The following TRPM3 variants were observed in gnomAD, a reference collection of about 807,000 sequenced individuals.
TRPM3 encodes the protein long transient receptor potential channel 3.
Under a neutral mutation model 181.2 loss-of-function variants are expected in TRPM3, and 77 were observed. The observed-to-expected ratio is 0.42, with a 90% CI of 0.35 to 0.51. The LOEUF (loss-of-function observed/expected upper bound fraction) is 0.51, where lower values mean the gene tolerates loss of function less well. Ranked by LOEUF, TRPM3 falls within the 20% of genes least tolerant of loss-of-function variation. The pLI is 0.01. For synonymous variants in TRPM3, 745 were observed against 796.4 expected, an observed-to-expected ratio of 0.94 and a Z score of 1.09; for missense variants, 1,759 against 2,196.7, an observed-to-expected ratio of 0.80 and a Z score of 3.98.
At chr9:71,439,504 C>A (rs746438921) in intron 1 of TRPM3, among the ~76,000 whole-genome samples, 1 of 152,108 alleles carries the variant, frequency 6.6e-6, no homozygotes, top group African/African-American at 2.4e-5. Flanking sequence ...GCAAAACCAG[C>A]GAATGACCTG....
At chr9:71,380,842 C>T (rs1382012009) in intron 1 of TRPM3, among the ~76,000 whole-genome samples, 2 of 152,050 alleles carry the variant, frequency 1.3e-5, no homozygotes, top group Non-Finnish European at 2.9e-5. Flanking sequence ...AAGCTCTCAG[C>T]ATCTTGACTC....
chr9:71,088,123 A>G (rs536236380), intron 1 of TRPM3, among the ~76,000 whole-genome samples: 3 of 152,216 alleles, frequency 2.0e-5, no homozygotes, highest in African/African-American at 7.2e-5. Flanking sequence ...CAGCTACAGT[A>G]AAAAACATGT....
At position 71,018,211 on chromosome 9, in the gene TRPM3, A is replaced by G. The variant is rs981727944; in HGVS notation, c.177+102967T>C. On this transcript the variant is annotated intron_variant, in intron 1 of 25. Transcript: ENST00000677713. ...AGAGAAAATTTATAGCTTTGGTTGA[A>G]TATATTAGAAAAGCAAAAAAAATGC... Among the ~76,000 whole-genome samples, 3 of 144,730 alleles carry G rather than the reference A, an allele frequency of 2.1e-5. No homozygotes were observed. In the Admixed American group the frequency reaches 2.1e-4, roughly 10 times the overall value. The allele number at this position is 144,730 out of a possible 152,430, so 94.9% of individuals were successfully genotyped here. A position where few individuals can be genotyped will look rare whatever the true frequency, so the allele number is the denominator to read the frequency against.
chr9:70,604,970 T>TTTTTTTTTTG (rs1248446809), intron 19 of TRPM3, among the ~76,000 whole-genome samples: 2 of 149,328 alleles, frequency 1.3e-5, no homozygotes, highest in African/African-American at 5.0e-5. Flanking sequence ...TCTTCTTTTT[T>TTTTTTTTTTG]TTTGGAGACT....
At position 71,059,689 on chromosome 9, in the gene TRPM3, C is replaced by G. The variant is rs371726992; in HGVS notation, c.177+61489G>C. On this transcript the variant is annotated intron_variant, in intron 1 of 25. Transcript: ENST00000677713. The stretch of plus-strand genomic sequence containing the variant: ...AAGGCCTTCAAAGCAAAAACTGTTT[C>G]CCTGGAAGAAGAAATTCTGCCCCAG... 2.8e-4 allele frequency among the ~76,000 whole-genome samples: 42 copies of G among 152,150 alleles called. No homozygotes were observed. The South Asian group carries it at 8.7e-3, about 32-fold the overall frequency.
intron 7 of TRPM3, among the ~76,000 whole-genome samples, chr9:70,783,462 G>A (rs947083104): frequency 1.5e-4 from 23 of 152,180 alleles, no homozygotes; most frequent in African/African-American, 5.6e-4. Flanking sequence ...TTGGAGGGGA[G>A]TGCTGTGAAG....
intron 1 of TRPM3, among the ~76,000 whole-genome samples, chr9:71,151,676 A>C (rs1485400780): frequency 6.6e-6 from 1 of 152,116 alleles, no homozygotes; most frequent in African/African-American, 2.4e-5. Context: ...ATCATTGTTT[A>C]TATCAGTAAA....
chr9:71,363,598 A>G (rs751247058), intron 1 of TRPM3, among the ~76,000 whole-genome samples: 13 of 152,234 alleles, frequency 8.5e-5, no homozygotes, highest in African/African-American at 1.2e-4. Context: ...TGCCAGAACT[A>G]GAAGCTCATA....
intron 1 of TRPM3, among the ~76,000 whole-genome samples, chr9:70,969,903 A>G (rs940120603): frequency 1.3e-5 from 2 of 151,888 alleles, no homozygotes; most frequent in Non-Finnish European, 2.9e-5. Context: ...CCCAGGTCAT[A>G]CAGTCAGTAT....
At chr9:71,360,908 G>C (rs1565497674) in intron 1 of TRPM3, among the ~76,000 whole-genome samples, 1 of 152,202 alleles carries the variant, frequency 6.6e-6, no homozygotes, top group Non-Finnish European at 1.5e-5. Flanking sequence ...TGAATTTGTA[G>C]AAGTGAGCTG....
chr9:70,817,453 C>A (rs529094052), intron 6 of TRPM3, among the ~76,000 whole-genome samples: 4 of 152,284 alleles, frequency 2.6e-5, no homozygotes, highest in Admixed American at 2.6e-4. Context: ...TTCAGAGTAA[C>A]ATATGAATAG....
intron 3 of TRPM3, among the ~76,000 whole-genome samples, chr9:70,854,753 TCA>T (rs2095341466): frequency 6.6e-6 from 1 of 152,174 alleles, no homozygotes; most frequent in Admixed American, 6.5e-5. Flanking sequence ...GTCATTAGCG[TCA>T]CTGCCTGGCA....
At position 71,398,148 on chromosome 9, in the gene TRPM3, C is replaced by T. The variant is rs547785631; in HGVS notation, c.183+48505G>A. Among the ~76,000 whole-genome samples the T allele has an allele frequency of 2.6e-5, 4 of 152,176 alleles. No homozygotes were observed. In the South Asian group the frequency reaches 8.3e-4, roughly 32 times the overall value. On this transcript the variant is annotated intron_variant, in intron 1 of 24. Coordinates refer to the TRPM3 transcript ENST00000357533. ...TACATCAATTTAATTATACAGTACT[C>T]GATATTCTCATGTAGTGTTAGTTAC...
At chr9:70,680,701 C>T (rs1306991784) in intron 9 of TRPM3, among the ~76,000 whole-genome samples, 1 of 152,190 alleles carries the variant, frequency 6.6e-6, no homozygotes, top group African/African-American at 2.4e-5. Context: ...TTCAACAAGT[C>T]TGTGGTTTTG....
At chr9:71,117,707 T>G (rs1458638853) in intron 1 of TRPM3, among the ~76,000 whole-genome samples, 1 of 152,198 alleles carries the variant, frequency 6.6e-6, no homozygotes, top group Non-Finnish European at 1.5e-5. Flanking sequence ...ATTTCTGACA[T>G]TGCTTAAAGT....
chr9:70,882,536 CAGGTACTT>C (rs1313545519), intron 1 of TRPM3, among the ~76,000 whole-genome samples: 1 of 151,960 alleles, frequency 6.6e-6, no homozygotes, highest in Non-Finnish European at 1.5e-5. Context: ...AGTGGCTATT[CAGGTACTT>C]TATTTTTTTC....
At chr9:70,669,912 A>T (rs901071240) in intron 9 of TRPM3, among the ~76,000 whole-genome samples, 1 of 151,922 alleles carries the variant, frequency 6.6e-6, no homozygotes, top group Non-Finnish European at 1.5e-5. Flanking sequence ...ATTTAAAAAA[A>T]TTTTTGTAGA....
At chr9:70,619,856 A>T (rs899237615) in intron 16 of TRPM3, among the ~76,000 whole-genome samples, 17 of 152,138 alleles carry the variant, frequency 1.1e-4, no homozygotes, top group African/African-American at 3.4e-4. Context: ...GGCCTACCTC[A>T]TGGGGAAGTT....
intron 1 of TRPM3, among the ~76,000 whole-genome samples, chr9:71,066,829 CT>C (rs1485502745): frequency 2.6e-5 from 4 of 152,188 alleles, no homozygotes; most frequent in African/African-American, 9.6e-5. Context: ...CTCTTGGCCC[CT>C]GTTCCCTCTT....
Sources: gnomAD v4.1 joint callset for allele counts (sites outside exome capture counted in the v4.1 genomes callset) on GRCh38, gnomAD v4.1.1 for gene constraint, MANE v1.5 for transcripts, NCBI Gene and HGNC (gene_info 2026-07-23, HGNC 2026-07-21) for gene names.